CTNNA2: variants seen among roughly 807,000 people sequenced by gnomAD.
CTNNA2 encodes catenin alpha 2.
In CTNNA2, 42 loss-of-function variants were observed where a neutral mutation model predicts 101.0. The ratio of observed to expected loss-of-function variants is 0.42; its 90% CI spans 0.32 to 0.54. CTNNA2 has a LOEUF of 0.54. Ranked by LOEUF, CTNNA2 falls within the 20% of genes least tolerant of loss-of-function variation. CTNNA2 has a pLI of 0.14. For synonymous variants in CTNNA2, 450 were observed against 456.4 expected (o/e 0.99, Z 0.18); for missense variants, 871 against 1,223.1 (o/e 0.71, Z 4.29).
intron 2 of CTNNA2, among the ~76,000 whole-genome samples, chr2:79,678,047 G>A (rs771735321): frequency 4.6e-5 from 7 of 152,126 alleles, no homozygotes; most frequent in African/African-American, 1.4e-4. Context: ...TGGTCATGAC[G>A]GTGGTGGTGA....
chr2:79,561,786 C>T (rs1674797569), intron 1 of CTNNA2, among the ~76,000 whole-genome samples: 1 of 151,686 alleles, frequency 6.6e-6, no homozygotes, highest in Non-Finnish European at 1.5e-5. Flanking sequence ...CAGATCTTTG[C>T]CCATCTTGGG....
At chr2:79,596,314 A>G (rs1677185820) in intron 1 of CTNNA2, among the ~76,000 whole-genome samples, 1 of 152,086 alleles carries the variant, frequency 6.6e-6, no homozygotes, top group African/African-American at 2.4e-5. Context: ...GCTCAGAGTC[A>G]AGGTAGGGAA....
intron 7 of CTNNA2, among the ~76,000 whole-genome samples, chr2:80,044,698 C>A (rs1267494658): frequency 1.3e-5 from 2 of 152,130 alleles, no homozygotes; most frequent in African/African-American, 4.8e-5. Context: ...TAAGAACATT[C>A]TCTTACTGCC....
chr2:79,749,954 A>G (rs1284036315), intron 3 of CTNNA2, among the ~76,000 whole-genome samples: 1 of 152,232 alleles, frequency 6.6e-6, no homozygotes, highest in Non-Finnish European at 1.5e-5. Context: ...TCCAAGCAGG[A>G]TGCTAGAGAG....
chr2:80,531,334 G>T (rs145519709), intron 9 of CTNNA2, among the ~76,000 whole-genome samples: 1 of 152,330 alleles, frequency 6.6e-6, no homozygotes, highest in Middle Eastern at 3.4e-3. Flanking sequence ...ATACTCTAGG[G>T]CTTTGTCTTG....
intron 1 of CTNNA2, among the ~76,000 whole-genome samples, chr2:79,522,537 A>T (rs1050047606): frequency 1.3e-5 from 2 of 152,206 alleles, no homozygotes; most frequent in African/African-American, 4.8e-5. Context: ...GCTGACACAG[A>T]ATCAGCAACT....
intron 17 of CTNNA2, among the ~76,000 whole-genome samples, chr2:80,613,287 C>G (rs1698608093): frequency 6.6e-6 from 1 of 151,292 alleles, no homozygotes; most frequent in South Asian, 2.1e-4. Context: ...CTGCACAACC[C>G]AAATTATAGA....
At chr2:80,028,852 T>C (rs1440915423) in intron 7 of CTNNA2, among the ~76,000 whole-genome samples, 1 of 152,204 alleles carries the variant, frequency 6.6e-6, no homozygotes, top group African/African-American at 2.4e-5. Flanking sequence ...AATAGATTTC[T>C]TTGTAAAGTT....
chr2:79,382,190 C>A (rs1319434281), intron 4 of CTNNA2, among the ~76,000 whole-genome samples: 1 of 151,872 alleles, frequency 6.6e-6, no homozygotes, highest in Non-Finnish European at 1.5e-5. Flanking sequence ...CATCAGTACT[C>A]CTAGTACTCA....
chr2:80,341,091 C>T (rs1473185338), intron 7 of CTNNA2, among the ~76,000 whole-genome samples: 1 of 152,018 alleles, frequency 6.6e-6, no homozygotes, highest in Admixed American at 6.6e-5. Flanking sequence ...TTGGGGTGCA[C>T]CTCCCCCAGA....
At chr2:79,250,588 T>G (rs1388000655) in intron 2 of CTNNA2, among the ~76,000 whole-genome samples, 1 of 152,216 alleles carries the variant, frequency 6.6e-6, no homozygotes, top group East Asian at 1.9e-4. Flanking sequence ...TGGATTTGCG[T>G]AAGAATGGCC....
chr2:80,225,854 G>T (rs185058618), intron 7 of CTNNA2, among the ~76,000 whole-genome samples: 2 of 152,148 alleles, frequency 1.3e-5, no homozygotes, highest in East Asian at 3.9e-4. Flanking sequence ...AATTTCCTTT[G>T]GATGTACTAT....
chr2:79,828,928 T>C (rs1319059551), intron 3 of CTNNA2, among the ~76,000 whole-genome samples: 3 of 152,182 alleles, frequency 2.0e-5, no homozygotes, highest in Non-Finnish European at 2.9e-5. Flanking sequence ...ATTGCCCAGG[T>C]AAACTGCCCA....
intron 12 of CTNNA2, among the ~76,000 whole-genome samples, chr2:80,567,087 C>T (rs983397577): frequency 4.6e-5 from 7 of 152,078 alleles, no homozygotes; most frequent in East Asian, 1.9e-4. Flanking sequence ...TCACTATTTG[C>T]GAAGTAGACG....
intron 7 of CTNNA2, among the ~76,000 whole-genome samples, chr2:80,120,585 T>C (rs1304165432): frequency 6.6e-6 from 1 of 152,186 alleles, no homozygotes; most frequent in Non-Finnish European, 1.5e-5. Flanking sequence ...CATAGTGCTG[T>C]AGACACGGCA....
intron 7 of CTNNA2, among the ~76,000 whole-genome samples, chr2:80,382,015 G>A (rs1030577500): frequency 2.0e-5 from 3 of 152,132 alleles, no homozygotes; most frequent in Admixed American, 1.3e-4. Flanking sequence ...TTCCCGCATA[G>A]GGGAGGTATT....
chr2:79,586,764 C>A (rs924395258), intron 1 of CTNNA2, among the ~76,000 whole-genome samples: 2 of 152,038 alleles, frequency 1.3e-5, no homozygotes, highest in East Asian at 3.9e-4. Context: ...TTTTGGTACA[C>A]ACATCACCTG....
At position 79,251,844 on chromosome 2, in the gene CTNNA2, A is replaced by G. The variant is rs76127920; in HGVS notation, c.-406+53768A>G. ...ATGACCTGCTTTCTGATCCACAGAA[A>G]TAAAATTTGTTGTTTGAGACTATTG... On this transcript the variant is annotated intron_variant, in intron 2 of 21. Transcript: ENST00000466387. 6.7e-4 allele frequency among the ~76,000 whole-genome samples: 102 copies of G among 152,322 alleles called. 1 individual carries two copies. The East Asian group carries it at 0.017, about 25-fold the overall frequency.
rs73941140 is a variant in CTNNA2, at chr2:80,474,167, A to T, written c.1290+54566A>T. Among the ~76,000 whole-genome samples, 1,489 of 152,346 alleles carry T rather than the reference A, an allele frequency of 9.8e-3. 40 individuals carry two copies. The highest frequency in any genetic ancestry group is 0.034 in the African/African-American group (1,400 of 41,576). On this transcript the variant is annotated intron_variant, in intron 9 of 18. Transcript: ENST00000402739. ...AAATCTATGTTTTAACAACAGTAAA[A>T]AATAAGAAGGTACATCAGAAGAACC... is the stretch of plus-strand genomic sequence containing the variant.
Sources: gnomAD v4.1 joint callset for allele counts (sites outside exome capture counted in the v4.1 genomes callset) on GRCh38, gnomAD v4.1.1 for gene constraint, MANE v1.5 for transcripts, NCBI Gene and HGNC (gene_info 2026-07-23, HGNC 2026-07-21) for gene names.